TYW1: variants seen among roughly 807,000 people sequenced by gnomAD.
The protein encoded by TYW1 is S-adenosyl-L-methionine-dependent tRNA 4-demethylwyosine synthase TYW1.
TYW1 carries 46 observed loss-of-function variants against 96.2 expected under a neutral mutation model. The ratio of observed to expected loss-of-function variants is 0.48; its 90% CI spans 0.38 to 0.61. TYW1 has a LOEUF of 0.61. Among genes scored for constraint, TYW1 ranks in the 20% least tolerant of loss-of-function variants. The pLI is 0.00. For missense variants in TYW1, 684 were observed against 909.6 expected, an observed-to-expected ratio of 0.75 and a Z score of 3.19; for synonymous variants, 274 against 323.0, an observed-to-expected ratio of 0.85 and a Z score of 1.63.
chr7:67,058,466 G>A (rs1241767794), intron 9 of TYW1, among the ~76,000 whole-genome samples: 1 of 152,136 alleles, frequency 6.6e-6, no homozygotes. Context: ...CAACCTGTGT[G>A]GAAGAAGCCA....
intron 7 of TYW1, among the ~76,000 whole-genome samples, chr7:67,038,623 G>A (rs1270019916): frequency 3.3e-5 from 5 of 151,600 alleles, no homozygotes; most frequent in Admixed American, 3.3e-4. Flanking sequence ...CAAACATGTG[G>A]CCAGGCATGA....
intron 13 of TYW1, among the ~76,000 whole-genome samples, chr7:67,144,654 A>G (rs1251661654): frequency 1.3e-5 from 2 of 152,098 alleles, no homozygotes; most frequent in African/African-American, 4.8e-5. Context: ...TATTTTTTAT[A>G]GAGACAGGGT....
At chr7:67,184,683 G>T (rs551357696) in intron 14 of TYW1, among the ~76,000 whole-genome samples, 1 of 138,316 alleles carries the variant, frequency 7.2e-6, no homozygotes, top group Non-Finnish European at 1.5e-5. Flanking sequence ...GTTATGTTAT[G>T]TTATGTTATG....
chr7:67,127,741 A>T (rs1030726431), intron 13 of TYW1, among the ~76,000 whole-genome samples: 1 of 152,128 alleles, frequency 6.6e-6, no homozygotes, highest in Non-Finnish European at 1.5e-5. Context: ...TTCAAGGAAG[A>T]TCTACTGGCA....
At chr7:67,005,252 A>G (rs1012241009) in intron 3 of TYW1, among the ~76,000 whole-genome samples, 1 of 152,078 alleles carries the variant, frequency 6.6e-6, no homozygotes, top group Non-Finnish European at 1.5e-5. Context: ...GGGGATGGCC[A>G]TCTTACGTAA....
At chr7:67,205,956 G>A (rs1163436447) in intron 15 of TYW1, among the ~76,000 whole-genome samples, 1 of 152,152 alleles carries the variant, frequency 6.6e-6, no homozygotes, top group East Asian at 1.9e-4. Context: ...CTCTACCTTT[G>A]AGAATCTTTT....
Position 67,017,981 on chromosome 7 carries a change from G to A in TYW1, c.699G>A (p.Lys233=). 1 of 1,614,142 alleles carries A rather than the reference G, an allele frequency of 6.2e-7. No homozygotes were observed. The highest frequency in any genetic ancestry group is 8.5e-7 in the Non-Finnish European group (1 of 1,180,034). ...TTGAGGCCGACTTCAGAGCATGGAA[G>A]ACCAAGTTCATCTCCCAGCTGCAGG... The part of the protein sequence containing the change: ...GSIEADFRAW[K]TKFISQLQAL... The change falls in exon 6 of 16, where the codon AAG becomes AAA. Residue 233 remains lysine (K), a synonymous_variant. Transcript: ENST00000359626.
At chr7:67,052,080 T>C (rs193216157) in intron 8 of TYW1, among the ~76,000 whole-genome samples, 119 of 152,248 alleles carry the variant, frequency 7.8e-4, no homozygotes, top group African/African-American at 2.7e-3. Context: ...CTTGGAAGAT[T>C]TTCTCTTAAG....
chr7:67,136,819 GTTTTCTTTT>G (rs1798274612), intron 13 of TYW1, among the ~76,000 whole-genome samples: 1 of 151,944 alleles, frequency 6.6e-6, no homozygotes, highest in Non-Finnish European at 1.5e-5. Context: ...AAGTTTTCCT[GTTTTCTTTT>G]TTTTCTTTTT....
chr7:67,140,703 C>T (rs1798422967), intron 13 of TYW1, among the ~76,000 whole-genome samples: 1 of 152,012 alleles, frequency 6.6e-6, no homozygotes, highest in South Asian at 2.1e-4. Context: ...TTTATGGTAC[C>T]TGTTAAAATA....
chr7:67,118,156 C>G (rs1203017233), intron 13 of TYW1, among the ~76,000 whole-genome samples: 1 of 151,806 alleles, frequency 6.6e-6, no homozygotes, highest in Non-Finnish European at 1.5e-5. Flanking sequence ...CAGACCTCAT[C>G]TCTACTAGAA....
intron 13 of TYW1, among the ~76,000 whole-genome samples, chr7:67,125,856 G>A (rs113206234): frequency 0.027 from 4,111 of 152,192 alleles, 86 homozygotes; most frequent in Non-Finnish European, 0.039. Context: ...CTTTCACTTA[G>A]CAATATGCAT....
At chr7:67,174,640 T>C (rs1424903761) in intron 13 of TYW1, among the ~76,000 whole-genome samples, 1 of 150,850 alleles carries the variant, frequency 6.6e-6, no homozygotes, top group African/African-American at 2.4e-5. Flanking sequence ...AAATTAAACA[T>C]AGAGTAAGTA....
At chr7:67,186,267 C>CCCCCCT (rs1584670401) in intron 14 of TYW1, among the ~76,000 whole-genome samples, 1 of 60,398 alleles carries the variant, frequency 1.7e-5, no homozygotes, top group East Asian at 5.1e-4. Flanking sequence ...TCCTTTCTTC[C>CCCCCCT]CCCCCGCCCC....
chr7:67,121,890 A>G (rs1162854800), intron 13 of TYW1, among the ~76,000 whole-genome samples: 1 of 149,282 alleles, frequency 6.7e-6, no homozygotes, highest in African/African-American at 2.5e-5. Flanking sequence ...AGAGAAATAT[A>G]TTGGTACTTG....
chr7:67,166,334 T>TAC (rs1799326549), intron 13 of TYW1, among the ~76,000 whole-genome samples: 2 of 141,070 alleles, frequency 1.4e-5, no homozygotes, highest in Admixed American at 1.5e-4. Context: ...ACATATATAA[T>TAC]ATATATAATA....
intron 7 of TYW1, among the ~76,000 whole-genome samples, chr7:67,041,375 C>G (rs1349590071): frequency 6.6e-6 from 1 of 151,958 alleles, no homozygotes; most frequent in Non-Finnish European, 1.5e-5. Flanking sequence ...ACAATATCAT[C>G]TCATGGCAGC....
chr7:67,064,227 A>G (rs1276473290), intron 9 of TYW1, among the ~76,000 whole-genome samples: 1 of 152,212 alleles, frequency 6.6e-6, no homozygotes, highest in Non-Finnish European at 1.5e-5. Flanking sequence ...CACAGGCCCT[A>G]GAATAGCTTA....
chr7:67,123,487 A>G (rs964258964), intron 13 of TYW1, among the ~76,000 whole-genome samples: 5 of 152,220 alleles, frequency 3.3e-5, no homozygotes, highest in African/African-American at 1.2e-4. Context: ...TTTTAGAGAA[A>G]TGTAAGTGTA....
Sources: gnomAD v4.1 joint callset for allele counts (sites outside exome capture counted in the v4.1 genomes callset) on GRCh38, gnomAD v4.1.1 for gene constraint, MANE v1.5 for transcripts, NCBI Gene and HGNC (gene_info 2026-07-23, HGNC 2026-07-21) for gene names.